Variants in GRIK2 observed in about 807,000 individuals in gnomAD.
GRIK2 encodes the protein glutamate ionotropic receptor kainate type subunit 2.
A neutral mutation model predicts 100.3 loss-of-function variants in GRIK2; 32 were observed. That is an observed-to-expected ratio of 0.32 (90% CI 0.24 to 0.43). The LOEUF is 0.43. Ranked by LOEUF, GRIK2 falls within the 20% of genes least tolerant of loss-of-function variation. The probability of loss-of-function intolerance (pLI) is 1.00; values close to 1 mark genes in which losing one functional copy is unlikely to be tolerated. For missense variants in GRIK2, 843 were observed against 1,114.9 expected (o/e 0.76, Z 3.47); for synonymous variants, 417 against 389.4 (o/e 1.07, Z -0.83).
intron 11 of GRIK2, among the ~76,000 whole-genome samples, chr6:101,877,518 G>T (rs1785941076): frequency 6.6e-6 from 1 of 151,864 alleles, no homozygotes; most frequent in African/African-American, 2.4e-5. Flanking sequence ...GATGAATTTT[G>T]GTATTCGACA....
intron 7 of GRIK2, among the ~76,000 whole-genome samples, chr6:101,757,200 T>C (rs1455843577): frequency 6.6e-6 from 1 of 152,262 alleles, no homozygotes; most frequent in East Asian, 1.9e-4. Context: ...ACTTGTTACA[T>C]TATCTATCAA....
chr6:101,922,106 T>C (rs1173964901), intron 12 of GRIK2, among the ~76,000 whole-genome samples: 2 of 20,500 alleles, frequency 9.8e-5, no homozygotes, highest in Non-Finnish European at 2.0e-4. Flanking sequence ...CTTCCTTCCT[T>C]CCTTCCTTCC....
chr6:101,928,148 A>G (rs1790031425), intron 13 of GRIK2: 1 of 421,798 alleles, frequency 2.4e-6, no homozygotes, highest in Admixed American at 4.1e-5. Context: ...TTACTCATTA[A>G]TATTTTAATT....
chr6:101,728,704 A>G (rs1488723854), intron 7 of GRIK2, among the ~76,000 whole-genome samples: 1 of 152,016 alleles, frequency 6.6e-6, no homozygotes, highest in Non-Finnish European at 1.5e-5. Flanking sequence ...TAAGATATAC[A>G]TGTTGCCTTA....
At chr6:101,691,675 A>G (rs1225910358) in intron 7 of GRIK2, among the ~76,000 whole-genome samples, 1 of 152,138 alleles carries the variant, frequency 6.6e-6, no homozygotes, top group East Asian at 1.9e-4. Context: ...TTTACAAAGG[A>G]AGAGATAATG....
intron 2 of GRIK2, among the ~76,000 whole-genome samples, chr6:101,574,230 G>T (rs1777688076): frequency 6.7e-6 from 1 of 149,626 alleles, no homozygotes; most frequent in African/African-American, 2.4e-5. Flanking sequence ...AACAGCAAAT[G>T]TGAGCTTGAA....
intron 4 of GRIK2, among the ~76,000 whole-genome samples, chr6:101,635,151 C>T (rs1780943340): frequency 6.6e-6 from 1 of 152,006 alleles, no homozygotes; most frequent in African/African-American, 2.4e-5. Context: ...ATATGTTGTA[C>T]ATTTTAAATA....
At chr6:101,738,254 A>G (rs1481127879) in intron 7 of GRIK2, among the ~76,000 whole-genome samples, 3 of 139,490 alleles carry the variant, frequency 2.2e-5, no homozygotes, top group Non-Finnish European at 4.7e-5. Flanking sequence ...GTAATTGACA[A>G]TTGTCAAATG....
chr6:101,603,283 C>G (rs1245075330), intron 2 of GRIK2, among the ~76,000 whole-genome samples: 2 of 151,480 alleles, frequency 1.3e-5, no homozygotes, highest in African/African-American at 4.8e-5. Context: ...GTTAATTTAC[C>G]TAACTTAATC....
chr6:101,816,811 C>T (rs1033808648), intron 9 of GRIK2, among the ~76,000 whole-genome samples: 4 of 152,160 alleles, frequency 2.6e-5, no homozygotes, highest in Non-Finnish European at 5.9e-5. Flanking sequence ...AGCAGGCCCT[C>T]TACTAGCCCT....
At chr6:101,527,773 T>A (rs901401903) in intron 2 of GRIK2, among the ~76,000 whole-genome samples, 1 of 152,172 alleles carries the variant, frequency 6.6e-6, no homozygotes, top group Non-Finnish European at 1.5e-5. Flanking sequence ...AGTAGAATTA[T>A]CTGGAAAATA....
chr6:101,913,901 TG>T (rs1325232964), intron 12 of GRIK2, among the ~76,000 whole-genome samples: 1 of 151,528 alleles, frequency 6.6e-6, no homozygotes, highest in Non-Finnish European at 1.5e-5. Flanking sequence ...CCTTGAATAT[TG>T]GGCAGAAGAG....
At chr6:101,758,533 T>C (rs1777281401) in intron 7 of GRIK2, among the ~76,000 whole-genome samples, 1 of 152,314 alleles carries the variant, frequency 6.6e-6, no homozygotes, top group Non-Finnish European at 1.5e-5. Flanking sequence ...AAGCAAAATC[T>C]CTGCTGTTTG....
intron 2 of GRIK2, among the ~76,000 whole-genome samples, chr6:101,608,318 T>G (rs1582817093): frequency 6.6e-6 from 1 of 152,084 alleles, no homozygotes; most frequent in African/African-American, 2.4e-5. Context: ...GATTGCACAG[T>G]ATTCCTCTGG....
chr6:101,650,694 T>A (rs1270712558), intron 4 of GRIK2, among the ~76,000 whole-genome samples: 1 of 152,140 alleles, frequency 6.6e-6, no homozygotes, highest in Non-Finnish European at 1.5e-5. Context: ...GCCAGCATGA[T>A]TTTTTCACAT....
intron 16 of GRIK2, among the ~76,000 whole-genome samples, chr6:102,057,224 T>G (rs534372631): frequency 6.6e-6 from 1 of 152,114 alleles, no homozygotes; most frequent in Non-Finnish European, 1.5e-5. Context: ...CCATATGTAA[T>G]AATTTTCTTT....
Position 101,889,675 on chromosome 6 carries a change from C to T in GRIK2, c.1560C>T (p.Thr520=). 6.2e-7 allele frequency: 1 copy of T among 1,609,222 alleles called. No homozygotes were observed. The highest frequency in any genetic ancestry group is 1.1e-5 in the South Asian group (1 of 90,946). ...TTGCAGTTGCTCCACTGGCTATTACCTATGTTCGAGAGAAGGTCATCGACT... is the reference window on the plus strand; with the variant it reads ...TTGCAGTTGCTCCACTGGCTATTACTTATGTTCGAGAGAAGGTCATCGACT... ...ADLAVAPLAI[T]YVREKVIDFS... is the part of the protein sequence containing the mutation. The change falls in exon 12 of 17, where the codon ACC becomes ACT. Residue 520 remains threonine (T), a synonymous_variant. Transcript: ENST00000369134.
chr6:101,859,185 T>C lies in GRIK2; in HGVS notation c.1318-102T>C. On this transcript the variant is annotated intron_variant, in intron 10 of 16. Transcript: ENST00000369134. Reference sequence around the variant, plus strand: ...AAGAAAATAAAGTTGACTGTTGTCCTAAATTAATGAGAAAATTTCTGTCTT... The same window carrying C: ...AAGAAAATAAAGTTGACTGTTGTCCCAAATTAATGAGAAAATTTCTGTCTT... 4.8e-6 allele frequency: 3 copies of C among 623,970 alleles called. No homozygotes were observed. The South Asian group carries it at 6.2e-5, about 13-fold the overall frequency. The allele number at this position is 623,970 out of a possible 1,614,324, so 38.7% of individuals were successfully genotyped here.
chr6:101,856,560 A>T (rs888986485), intron 10 of GRIK2, among the ~76,000 whole-genome samples: 1 of 152,222 alleles, frequency 6.6e-6, no homozygotes, highest in East Asian at 1.9e-4. Context: ...GTTAGAGCTC[A>T]TAACTAATTT....
Sources: gnomAD v4.1 joint callset for allele counts (sites outside exome capture counted in the v4.1 genomes callset) on GRCh38, gnomAD v4.1.1 for gene constraint, MANE v1.5 for transcripts, NCBI Gene and HGNC (gene_info 2026-07-23, HGNC 2026-07-21) for gene names.